The following CNTNAP2 variants were observed in gnomAD, a reference collection of about 807,000 sequenced individuals.
CNTNAP2 encodes contactin associated protein 2, also known as contactin-associated protein-like 2.
Under a neutral mutation model 155.2 loss-of-function variants are expected in CNTNAP2, and 98 were observed. That is an observed-to-expected ratio of 0.63 (90% CI 0.54 to 0.75). CNTNAP2 has a LOEUF of 0.75. Among genes scored for constraint, CNTNAP2 ranks in the 30% least tolerant of loss-of-function variants. The probability of loss-of-function intolerance (pLI) is 0.00; values close to 1 mark genes in which losing one functional copy is unlikely to be tolerated. For missense variants in CNTNAP2, 1,727 were observed against 1,688.1 expected, an observed-to-expected ratio of 1.02 and a Z score of -0.40; for synonymous variants, 651 against 631.2, an observed-to-expected ratio of 1.03 and a Z score of -0.47.
At chr7:146,214,479 A>G (rs1336463261) in intron 1 of CNTNAP2, among the ~76,000 whole-genome samples, 8 of 152,324 alleles carry the variant, frequency 5.3e-5, no homozygotes, top group Admixed American at 5.2e-4. Context: ...AGACACTAGG[A>G]TGGTGCATGG....
At chr7:146,256,946 T>A (rs180987592) in intron 1 of CNTNAP2, among the ~76,000 whole-genome samples, 1 of 152,348 alleles carries the variant, frequency 6.6e-6, no homozygotes, top group East Asian at 1.9e-4. Flanking sequence ...GTTCTAGAAA[T>A]GGCATCCATA....
chr7:148,408,758 G>A (rs1585353497), intron 22 of CNTNAP2, among the ~76,000 whole-genome samples: 1 of 152,088 alleles, frequency 6.6e-6, no homozygotes, highest in African/African-American at 2.4e-5. Context: ...TGCCTTTACC[G>A]GGCTTAAAAT....
chr7:146,317,482 G>A (rs966732631), intron 1 of CNTNAP2, among the ~76,000 whole-genome samples: 1 of 152,098 alleles, frequency 6.6e-6, no homozygotes, highest in Non-Finnish European at 1.5e-5. Flanking sequence ...TCTTTCAGCA[G>A]TAGCAATTTA....
intron 1 of CNTNAP2, among the ~76,000 whole-genome samples, chr7:146,271,479 A>T (rs1178071264): frequency 6.6e-6 from 1 of 151,964 alleles, no homozygotes; most frequent in Non-Finnish European, 1.5e-5. Context: ...CCTAATAAAA[A>T]GTATAAAATA....
At chr7:147,681,074 T>G (rs1795941715) in intron 13 of CNTNAP2, among the ~76,000 whole-genome samples, 1 of 152,012 alleles carries the variant, frequency 6.6e-6, no homozygotes, top group Non-Finnish European at 1.5e-5. Flanking sequence ...TTTCAGGTTT[T>G]CATAGTCGTA....
chr7:148,052,823 G>A (rs1052967059), intron 15 of CNTNAP2, among the ~76,000 whole-genome samples: 2 of 152,230 alleles, frequency 1.3e-5, no homozygotes, highest in African/African-American at 4.8e-5. Context: ...AAGGTGAGCG[G>A]ATTACTTGAG....
At chr7:146,226,332 T>C (rs1470403350) in intron 1 of CNTNAP2, among the ~76,000 whole-genome samples, 2 of 152,146 alleles carry the variant, frequency 1.3e-5, no homozygotes, top group Admixed American at 6.6e-5. Context: ...GGGTAGATGA[T>C]GGCACTTCAT....
At chr7:147,703,470 A>G (rs1796265023) in intron 13 of CNTNAP2, among the ~76,000 whole-genome samples, 1 of 152,212 alleles carries the variant, frequency 6.6e-6, no homozygotes, top group Non-Finnish European at 1.5e-5. Context: ...GTTTAGGACA[A>G]CAGATCAATA....
intron 13 of CNTNAP2, among the ~76,000 whole-genome samples, chr7:147,839,572 A>G (rs1280493891): frequency 1.3e-5 from 2 of 152,200 alleles, no homozygotes; most frequent in African/African-American, 4.8e-5. Flanking sequence ...GACATTTTTC[A>G]CAGAATAATT....
intron 1 of CNTNAP2, among the ~76,000 whole-genome samples, chr7:146,205,823 T>G (rs1242247448): frequency 2.0e-5 from 3 of 151,926 alleles, no homozygotes; most frequent in African/African-American, 7.2e-5. Flanking sequence ...AGGAATATGT[T>G]TTTTGTTCCT....
At chr7:147,025,468 G>A (rs1301676229) in intron 3 of CNTNAP2, among the ~76,000 whole-genome samples, 1 of 30,222 alleles carries the variant, frequency 3.3e-5, no homozygotes, top group Non-Finnish European at 6.1e-5. Flanking sequence ...GAGGGGAGGA[G>A]GGGGAGGGGG....
At chr7:147,408,060 A>G (rs1040629517) in intron 10 of CNTNAP2, among the ~76,000 whole-genome samples, 4 of 152,230 alleles carry the variant, frequency 2.6e-5, no homozygotes, top group African/African-American at 9.6e-5. Context: ...ACAATGTTTC[A>G]TTGATTGCAT....
intron 1 of CNTNAP2, among the ~76,000 whole-genome samples, chr7:146,350,800 C>A (rs1395281737): frequency 6.6e-6 from 1 of 151,850 alleles, no homozygotes; most frequent in Non-Finnish European, 1.5e-5. Flanking sequence ...CAACGATAGA[C>A]TGGATTAAGA....
At chr7:146,755,967 G>A (rs1459373924) in intron 1 of CNTNAP2, among the ~76,000 whole-genome samples, 1 of 151,890 alleles carries the variant, frequency 6.6e-6, no homozygotes, top group African/African-American at 2.4e-5. Flanking sequence ...TTATGAATAT[G>A]AAACGAAAGT....
chr7:147,044,757 C>T lies in CNTNAP2; in HGVS notation c.550+703C>T, dbSNP rs190572921. ...AAATGGTACTTGTTTTCTCCTACTC[C>T]TCTTCCTCTCTCTTTTTCTTCTTAT... On this transcript the variant is annotated intron_variant, in intron 4 of 23. Coordinates refer to ENST00000361727, the MANE Select transcript of CNTNAP2 (RefSeq NM_014141.6). Among the ~76,000 whole-genome samples, 11 of 152,146 alleles carry T rather than the reference C, an allele frequency of 7.2e-5. No homozygotes were observed. The East Asian group carries it at 1.4e-3, about 19-fold the overall frequency.
intron 13 of CNTNAP2, among the ~76,000 whole-genome samples, chr7:147,796,663 C>T (rs767544373): frequency 4.0e-5 from 6 of 151,826 alleles, no homozygotes; most frequent in Admixed American, 6.6e-5. Flanking sequence ...CAATTGAATA[C>T]GCATAAAACA....
intron 1 of CNTNAP2, among the ~76,000 whole-genome samples, chr7:146,458,987 T>C (rs1384341150): frequency 1.3e-5 from 2 of 152,184 alleles, no homozygotes; most frequent in Admixed American, 1.3e-4. Context: ...ACATAAAATA[T>C]GTCACTTCTT....
At chr7:146,321,819 C>T (rs560725662) in intron 1 of CNTNAP2, among the ~76,000 whole-genome samples, 1 of 152,178 alleles carries the variant, frequency 6.6e-6, no homozygotes, top group Admixed American at 6.5e-5. Context: ...CACAAAGGCA[C>T]AAGTAATCTA....
intron 1 of CNTNAP2, among the ~76,000 whole-genome samples, chr7:146,566,398 T>C (rs1026521382): frequency 6.6e-6 from 1 of 152,206 alleles, no homozygotes; most frequent in East Asian, 1.9e-4. Context: ...TTTCTCAAAT[T>C]TTTAGACTTT....
Sources: gnomAD v4.1 joint callset for allele counts (sites outside exome capture counted in the v4.1 genomes callset) on GRCh38, gnomAD v4.1.1 for gene constraint, MANE v1.5 for transcripts, NCBI Gene and HGNC (gene_info 2026-07-23, HGNC 2026-07-21) for gene names.